AATK: variants seen among roughly 807,000 people sequenced by gnomAD.
AATK encodes lemur tail kinase 1, also known as serine/threonine-protein kinase LMTK1.
A neutral mutation model predicts 114.3 loss-of-function variants in AATK; 91 were observed. That is an observed-to-expected ratio of 0.80 (90% CI 0.67 to 0.95). The LOEUF is 0.95. AATK is among the 40% of genes least tolerant of loss of function. AATK has a pLI of 0.00. For synonymous variants in AATK, 1,075 were observed against 916.5 expected (o/e 1.17, Z -3.12); for missense variants, 2,176 against 1,965.2 (o/e 1.11, Z -2.03).
chr17:81,125,657 CTGGGTAGATAT>C, intron 7 of AATK, among the ~76,000 whole-genome samples: 1 of 152,184 alleles, frequency 6.6e-6, no homozygotes, highest in African/African-American at 2.4e-5. Flanking sequence ...GCACAGGGTA[CTGGGTAGATAT>C]TACCACAGCT....
In AATK at chr17:81,121,815, G is replaced by C; in HGVS notation, c.2121C>G (p.Gly707=). The stretch of plus-strand genomic sequence containing the variant: ...GTGGGGTCTGCTTTGGACTGGGGCA[G>C]CCCTCAGCGTGGCCGCCCGCAGAGA... ...DPVSAGGHAE[G]CPSPKQTPRA... Residue 707 remains glycine, a synonymous_variant, in exon 11 of 14, where the codon GGC becomes GGG. Transcript: ENST00000326724. 6.3e-7 allele frequency: 1 copy of C among 1,586,882 alleles called. No homozygotes were observed.
intron 1 of AATK, among the ~76,000 whole-genome samples, chr17:81,138,441 C>T (rs2061059302): frequency 9.6e-6 from 1 of 104,100 alleles, no homozygotes; most frequent in Admixed American, 1.0e-4. Context: ...GCAAACACAC[C>T]CACAGATGCA....
In AATK at chr17:81,131,209, C is replaced by CG; in HGVS notation, c.190-5dup. 1.3e-6 allele frequency: 2 copies of CG among 1,566,432 alleles called. No homozygotes were observed. Among genetic ancestry groups the CG allele is most frequent in the Non-Finnish European group, 1.7e-6 (2 of 1,160,142 alleles). ...CCCCCTCCGCATTCTCAAACTCCTG[C>CG]GGGCCGGGCCGGGCATGAGCGGGGC... On this transcript the variant is annotated splice_polypyrimidine_tract_variant and splice_region_variant and intron_variant, in intron 2 of 13. Transcript: ENST00000326724.
At chr17:81,119,259 A>T in intron 13 of AATK, 121 bp downstream of exon 13, 1 of 1,025,522 alleles carries the variant, frequency 9.8e-7, no homozygotes, top group Non-Finnish European at 1.3e-6. Context: ...GCCGGGAAGG[A>T]GCGGAGCGGA....
rs547523786 is a variant in AATK, at chr17:81,155,222, C to T, written c.55+10716G>A. On this transcript the variant is annotated intron_variant, in intron 1 of 13. Transcript: ENST00000326724. The stretch of plus-strand genomic sequence containing the variant: ...GACCCTGGCTCTGTGGGCGACTGCA[C>T]GTGTGGCGGTGACCATCAAGGTTTC... 7.2e-5 allele frequency among the ~76,000 whole-genome samples: 11 copies of T among 152,306 alleles called. No homozygotes were observed. In the South Asian group the frequency reaches 1.9e-3, roughly 26 times the overall value.
chr17:81,124,905 G>GGGCCCCCC, intron 8 of AATK, 25 bp downstream of exon 8: 42 of 1,502,508 alleles, frequency 2.8e-5, no homozygotes, highest in Non-Finnish European at 3.5e-5. Flanking sequence ...CTCATGCCCA[G>GGGCCCCCC]CCCAGCCCAC....
chr17:81,119,612 C>T, intron 12 of AATK, 32 bp from the exon 13 acceptor site: 3 of 1,535,978 alleles, frequency 2.0e-6, no homozygotes, highest in Non-Finnish European at 2.6e-6. Flanking sequence ...CACTCGCGCT[C>T]ACAGCCTGGG....
At chr17:81,139,123 G>A (rs906958403) in intron 1 of AATK, among the ~76,000 whole-genome samples, 10 of 152,156 alleles carry the variant, frequency 6.6e-5, no homozygotes, top group African/African-American at 1.7e-4. Flanking sequence ...CCCCACTACT[G>A]GCCTGCTCAG....
At chr17:81,144,741 G>A (rs969104139) in intron 1 of AATK, among the ~76,000 whole-genome samples, 8 of 152,266 alleles carry the variant, frequency 5.3e-5, no homozygotes, top group South Asian at 2.1e-4. Context: ...GAAGTCCAGC[G>A]TGCTGGTGCC....
chr17:81,156,788 T>C (rs2061372376), intron 1 of AATK, among the ~76,000 whole-genome samples: 1 of 152,268 alleles, frequency 6.6e-6, no homozygotes, highest in Admixed American at 6.5e-5. Context: ...CTCAGGATGA[T>C]GGCACTTGGG....
rs1451228485 is a variant in AATK at position 81,125,031 on chromosome 17, G to T, written c.756-17C>A. ...GCCAGGTCGCTGCAGGCAGGGGCAG[G>T]GGCAGGGGCAGGGTGAGCAGGGTGA... On this transcript the variant is annotated splice_polypyrimidine_tract_variant and intron_variant, in intron 7 of 13. Coordinates refer to ENST00000326724, the MANE Select transcript of AATK (RefSeq NM_001080395.3). The T allele has an allele frequency of 7.3e-7, 1 of 1,365,172 alleles. No individual in the cohort carries two copies. 84.6% of individuals were successfully genotyped at this position (1,365,172 alleles called of 1,614,324 possible).
chr17:81,156,257 CATGTTACAATGTATGTTACT>C (rs1330256331), intron 1 of AATK, among the ~76,000 whole-genome samples: 19 of 150,912 alleles, frequency 1.3e-4, no homozygotes, highest in African/African-American at 3.7e-4. Flanking sequence ...TGTATGTTAC[CATGTTACAATGTATGTTACT>C]ATGTTACAAT....
At position 81,131,886 on chromosome 17, in the gene AATK, A is replaced by G. The variant is rs781604783; in HGVS notation, c.190-681T>C. On this transcript the variant is annotated intron_variant, in intron 2 of 13. Transcript: ENST00000326724. ...AGCCCAGAGCCAACCGGCCACCTTT[A>G]CCCTGGGCAGCCCACCTGCCACCGC... 1.9e-5 allele frequency: 25 copies of G among 1,323,268 alleles called. 1 individual carries two copies. In the Admixed American group the frequency reaches 5.1e-4, roughly 27 times the overall value. 82.0% of individuals were successfully genotyped at this position (1,323,268 alleles called of 1,614,324 possible).
In AATK at chr17:81,121,016, C is replaced by T. The variant is rs780195668; in HGVS notation, c.2920G>A (p.Gly974Arg). Reference sequence around the variant, plus strand: ...GAGGTGGAGAGCCGTGTCTCGGGCCCGGGGCCCTCACCCTCTGAGGCCAGC... The same window carrying T: ...GAGGTGGAGAGCCGTGTCTCGGGCCTGGGGCCCTCACCCTCTGAGGCCAGC... ...AELASEGEGP[G>R]PETRLSTSLS... is the part of the protein sequence containing the mutation. The change falls in exon 11 of 14, where the codon GGG becomes AGG. Residue 974 changes from glycine to arginine, a missense_variant. Gly to Arg is a moderately radical substitution (Grantham distance 125). Transcript: ENST00000326724. 47 of 1,609,922 alleles carry T rather than the reference C, an allele frequency of 2.9e-5. 1 individual carries two copies. The highest frequency in any genetic ancestry group is 3.6e-5 in the Non-Finnish European group (42 of 1,178,918).
At chr17:81,137,970 G>A (rs528665776) in intron 1 of AATK, among the ~76,000 whole-genome samples, 53 of 135,350 alleles carry the variant, frequency 3.9e-4, no homozygotes, top group South Asian at 2.5e-4. Context: ...CCACACACAC[G>A]CAGACACCCA....
chr17:81,149,761 T>A (rs2061271240), intron 1 of AATK, among the ~76,000 whole-genome samples: 2 of 152,192 alleles, frequency 1.3e-5, no homozygotes, highest in Admixed American at 1.3e-4. Context: ...CCAGGGTTTC[T>A]TCGGAGGCAG....
Position 81,121,609 on chromosome 17 carries a change from G to C in AATK, c.2327C>G (p.Pro776Arg), listed in dbSNP as rs1299760821. ...CGTGGCAAGCTTGGGCTCTGCCTGC[G>C]GGTGGTCACCCCCACTACTGGCTGT... ...TETASSGGDH[P>R]QAEPKLATEA... Residue 776 changes from proline (P) to arginine (R), a missense_variant, in exon 11 of 14, where the codon CCG becomes CGG. By Grantham distance (103) the Pro-to-Arg change is moderately radical. Coordinates refer to ENST00000326724, the MANE Select transcript of AATK (RefSeq NM_001080395.3). The C allele has an allele frequency of 3.3e-6, 5 of 1,495,854 alleles. No homozygotes were observed. Among genetic ancestry groups the C allele is most frequent in the South Asian group, 1.4e-5 (1 of 73,364 alleles). 92.7% of individuals were successfully genotyped at this position (1,495,854 alleles called of 1,614,324 possible).
At chr17:81,122,863 C>T (rs759801258) in intron 10 of AATK, 40 bp from the exon 11 acceptor site, 1 of 1,412,072 alleles carries the variant, frequency 7.1e-7, no homozygotes, top group Non-Finnish European at 9.3e-7. Flanking sequence ...AGAGGCAACG[C>T]TGGCCAGGAA....
intron 9 of AATK, among the ~76,000 whole-genome samples, chr17:81,123,961 C>G (rs1321603819): frequency 6.6e-6 from 1 of 152,152 alleles, no homozygotes; most frequent in Non-Finnish European, 1.5e-5. Context: ...TGGCCAGAGC[C>G]CTGTGACTGG....
Sources: allele counts gnomAD v4.1 joint callset (sites outside exome capture counted in the v4.1 genomes callset), GRCh38; gene constraint gnomAD v4.1.1; transcripts MANE v1.5; gene names NCBI Gene and HGNC (gene_info 2026-07-23, HGNC 2026-07-21).